The following MXD3 variants were observed in gnomAD, a reference collection of about 807,000 sequenced individuals.
MXD3 encodes MAX dimerization protein 3.
Under a neutral mutation model 27.5 loss-of-function variants are expected in MXD3, and 20 were observed. The ratio of observed to expected loss-of-function variants is 0.73; its 90% CI spans 0.51 to 1.06. The LOEUF (loss-of-function observed/expected upper bound fraction) is 1.06. Ranked by LOEUF, MXD3 falls within the 50% of genes least tolerant of loss-of-function variation. MXD3 has a pLI of 0.00. For missense variants in MXD3, 298 were observed against 291.3 expected (o/e 1.02, Z -0.17); for synonymous variants, 150 against 130.7 (o/e 1.15, Z -1.01).
rs1287860461 is a variant in MXD3 at position 177,311,361 on chromosome 5, C to A, written c.176+18G>T. On this transcript the variant is annotated intron_variant, in intron 2 of 5. Transcript: ENST00000439742. ...CGCCCACCCCCACCCCCACTCCCGC[C>A]GCCCCCGGCCTCCTCACCGCCCGCT... is the stretch of plus-strand genomic sequence containing the variant. 5 of 1,430,196 alleles carry A rather than the reference C, an allele frequency of 3.5e-6. No individual in the cohort carries two copies. The South Asian group carries it at 6.1e-5, about 18-fold the overall frequency. The allele number at this position is 1,430,196 out of a possible 1,614,324, so 88.6% of individuals were successfully genotyped here. A position where few individuals can be genotyped will look rare whatever the true frequency, so the allele number is the denominator to read the frequency against.
At chr5:177,307,076 A>C, downstream of MXD3, 1 of 1,467,462 alleles carries the variant, frequency 6.8e-7, no homozygotes. Context: ...GAACAGCCTC[A>C]AGTTGTGAGA....
chr5:177,310,299 G>A (rs1761003013), intron 4 of MXD3, 127 bp downstream of exon 4: 1 of 660,668 alleles, frequency 1.5e-6, no homozygotes, highest in East Asian at 2.8e-5. Flanking sequence ...AGCTCAGAGA[G>A]CTGTCCTAAG....
At chr5:177,310,741 G>T (rs750197923) in intron 2 of MXD3, 44 bp from the exon 3 acceptor site, 6 of 1,610,390 alleles carry the variant, frequency 3.7e-6, no homozygotes, top group Non-Finnish European at 4.2e-6. Flanking sequence ...ATCAGCTACT[G>T]CCCATGCCCC....
intron 2 of MXD3, 64 bp from the exon 3 acceptor site, chr5:177,310,761 G>GC (rs1248075842): frequency 1.3e-6 from 2 of 1,591,196 alleles, no homozygotes; most frequent in Non-Finnish European, 1.7e-6. Flanking sequence ...CAATCCCAGG[G>GC]CCCCCAGTGG....
downstream of MXD3, chr5:177,306,411 G>A (rs748681104): frequency 1.5e-5 from 24 of 1,613,820 alleles, no homozygotes; most frequent in Middle Eastern, 1.6e-4. Context: ...GCCACCTGCC[G>A]TTCGCGACAG....
At position 177,307,701 on chromosome 5, in the gene MXD3, C is replaced by T; in HGVS notation, c.508G>A (p.Glu170Lys). The change falls in exon 6 of 6, where the codon GAG becomes AAG. Residue 170 changes from glutamate (E) to lysine (K), a missense_variant and splice_region_variant. By Grantham distance (56) the Glu-to-Lys change is moderately conservative. Transcript: ENST00000439742. ...AGGCTCTCCACATCCACCTCCAGCT[C>T]CTCTGCGCGGGGAGGGGTCCGGTCA... ...SSERSDSDQE[E>K]LEVDVESLVF... 6.2e-7 allele frequency: 1 copy of T among 1,613,806 alleles called. No homozygotes were observed. Among genetic ancestry groups the T allele is most frequent in the Non-Finnish European group, 8.5e-7 (1 of 1,179,940 alleles).
Position 177,310,936 on chromosome 5 carries a change from C to T in MXD3, c.177-239G>A, listed in dbSNP as rs1209368502. The T allele has an allele frequency of 2.7e-5, 16 of 597,144 alleles. No homozygotes were observed. The East Asian group carries it at 3.1e-4, about 11-fold the overall frequency. 37.0% of individuals were successfully genotyped at this position (597,144 alleles called of 1,614,324 possible). On this transcript the variant is annotated intron_variant, in intron 2 of 5. Coordinates refer to ENST00000439742, the MANE Select transcript of MXD3 (RefSeq NM_031300.4). The stretch of plus-strand genomic sequence containing the variant: ...GTGGGTATGAGGGCCCTAACAAGGG[C>T]GCCTGCCAGCTGGCCAGAAAGGACC...
downstream of MXD3, chr5:177,305,845 C>A (rs773242895): frequency 8.8e-6 from 14 of 1,595,142 alleles, no homozygotes; most frequent in Non-Finnish European, 1.2e-5. Flanking sequence ...AAGACTGTTC[C>A]ACGATTGTGG....
In MXD3 at chr5:177,307,865, C is replaced by T. The variant is rs1170702566; in HGVS notation, c.421G>A (p.Ala141Thr). 4 of 1,609,194 alleles carry T rather than the reference C, an allele frequency of 2.5e-6. No homozygotes were observed. Among genetic ancestry groups the T allele is most frequent in the African/African-American group, 1.3e-5 (1 of 74,878 alleles). ...AGCCGCTCCCGCTCGGCCGCCCCTG[C>T]CAGCCCCCGGAGCTGCTCCAGCTGC... ...QRQLEQLRGL[A>T]GAAERERLRA... is the part of the protein sequence containing the mutation. The change falls in exon 5 of 6, where the codon GCA becomes ACA. Residue 141 changes from alanine (A) to threonine (T), a missense_variant. Physicochemically the swap from Ala to Thr is moderately conservative, Grantham distance 58. Transcript: ENST00000439742.
chr5:177,306,339 G>A (rs1760873303), downstream of MXD3: 1 of 1,600,848 alleles, frequency 6.2e-7, no homozygotes, highest in Non-Finnish European at 8.5e-7. Context: ...GCCTGGCCCA[G>A]AGGAGATTGG....
In MXD3 at chr5:177,308,072, C is replaced by A. The variant is rs1021114360; in HGVS notation, c.322-108G>T. 4 of 1,094,746 alleles carry A rather than the reference C, an allele frequency of 3.7e-6. No homozygotes were observed. The Admixed American group carries it at 8.7e-5, about 24-fold the overall frequency. 67.8% of individuals were successfully genotyped at this position (1,094,746 alleles called of 1,614,324 possible). On this transcript the variant is annotated intron_variant, in intron 4 of 5. Transcript: ENST00000439742. ...ACGGCCACAGGGCCAATGCCCACTC[C>A]GGGCAGGTGGCGACTAAATCCAGGC...
At chr5:177,307,750 C>T (rs376711861) in intron 5 of MXD3, 31 bp downstream of exon 5, 1 of 1,613,082 alleles carries the variant, frequency 6.2e-7, no homozygotes. Context: ...GCCCCGAGGG[C>T]CACACAACCC....
chr5:177,311,479 C>T lies in MXD3; in HGVS notation c.76G>A (p.Glu26Lys). 2 of 1,431,936 alleles carry T rather than the reference C, an allele frequency of 1.4e-6. No individual in the cohort carries two copies. Among genetic ancestry groups the T allele is most frequent in the South Asian group, 1.5e-5 (1 of 65,096 alleles). 88.7% of individuals were successfully genotyped at this position (1,431,936 alleles called of 1,614,324 possible). The change falls in exon 2 of 6, where the codon GAG becomes AAG. Residue 26 changes from glutamate (E) to lysine (K), a missense_variant. Physicochemically the swap from Glu to Lys is moderately conservative, Grantham distance 56. Coordinates refer to ENST00000439742, the MANE Select transcript of MXD3 (RefSeq NM_031300.4). The stretch of plus-strand genomic sequence containing the variant: ...GGGCACAGGGACGCATAACCATGCT[C>T]GGCCTCTGCCAGAGAGAGTCCCCGC... ...EFLERREREA[E>K]HGYASLCPHR...
At chr5:177,308,929 G>A (rs1047054333) in intron 4 of MXD3, among the ~76,000 whole-genome samples, 2 of 152,302 alleles carry the variant, frequency 1.3e-5, no homozygotes, top group Non-Finnish European at 2.9e-5. Flanking sequence ...TCTCCCAGGC[G>A]GAGCCCTCAG....
chr5:177,310,090 G>T (rs924357785), intron 4 of MXD3, among the ~76,000 whole-genome samples: 5 of 152,144 alleles, frequency 3.3e-5, no homozygotes, highest in African/African-American at 1.2e-4. Context: ...GAATTCAACA[G>T]CCATCCCCTC....
chr5:177,311,297 A>G, intron 2 of MXD3, 82 bp downstream of exon 2: 1 of 950,086 alleles, frequency 1.1e-6, no homozygotes, highest in South Asian at 2.1e-5. Context: ...CAAAAGATGC[A>G]AGCAACAAGT....
In MXD3 at chr5:177,310,660, G is replaced by A; in HGVS notation, c.206+8C>T. The A allele has an allele frequency of 6.2e-7, 1 of 1,614,160 alleles. No homozygotes were observed. Among genetic ancestry groups the A allele is most frequent in the Non-Finnish European group, 8.5e-7 (1 of 1,180,010 alleles). On this transcript the variant is annotated splice_region_variant and intron_variant, in intron 3 of 5. Coordinates refer to ENST00000439742, the MANE Select transcript of MXD3 (RefSeq NM_031300.4). ...GGCTGGCGCTGTCAGGGCAGGACTGGGACTCACCTGCGCTTCTCCAGTTCA... is the reference window on the plus strand; with the variant it reads ...GGCTGGCGCTGTCAGGGCAGGACTGAGACTCACCTGCGCTTCTCCAGTTCA...
chr5:177,307,505 C>A lies in MXD3; in HGVS notation c.*83G>T. ...CATTCCAACAGGTGACTCCGAGCAG[C>A]CCTGAAGGCTTGGGGAGGGCTCCTG... On this transcript the variant is annotated 3_prime_UTR_variant, in exon 6 of 6. Coordinates refer to ENST00000439742, the MANE Select transcript of MXD3 (RefSeq NM_031300.4). 1 of 1,561,194 alleles carries A rather than the reference C, an allele frequency of 6.4e-7. No homozygotes were observed. The highest frequency in any genetic ancestry group is 1.2e-5 in the South Asian group (1 of 86,402).
intron 4 of MXD3, among the ~76,000 whole-genome samples, chr5:177,308,636 G>A (rs1760957833): frequency 6.6e-6 from 1 of 152,156 alleles, no homozygotes; most frequent in Non-Finnish European, 1.5e-5. Flanking sequence ...GCCTCCTAAA[G>A]TGCTGAGATT....
Sources: gnomAD v4.1 joint callset for allele counts (sites outside exome capture counted in the v4.1 genomes callset) on GRCh38, gnomAD v4.1.1 for gene constraint, MANE v1.5 for transcripts, NCBI Gene and HGNC (gene_info 2026-07-23, HGNC 2026-07-21) for gene names.